STX7: variants seen among roughly 807,000 people sequenced by gnomAD.
STX7 encodes syntaxin 7.
Under a neutral mutation model 39.6 loss-of-function variants are expected in STX7, and 34 were observed. That is an observed-to-expected ratio of 0.86 (90% CI 0.65 to 1.14). The LOEUF (loss-of-function observed/expected upper bound fraction) is 1.14. Ranked by LOEUF, STX7 falls within the 50% of genes most tolerant of loss-of-function variation. The probability of loss-of-function intolerance (pLI) is 0.00; values close to 1 mark genes in which losing one functional copy is unlikely to be tolerated. For missense variants in STX7, 284 were observed against 310.4 expected, an observed-to-expected ratio of 0.92 and a Z score of 0.64; for synonymous variants, 119 against 99.1, an observed-to-expected ratio of 1.20 and a Z score of -1.19.
chr6:132,510,085 C>T (rs1775809060), intron 1 of STX7, among the ~76,000 whole-genome samples: 1 of 152,074 alleles, frequency 6.6e-6, no homozygotes, highest in Non-Finnish European at 1.5e-5. Flanking sequence ...AGAAGGATGG[C>T]GGGAAGGGGA....
chr6:132,490,660 C>T (rs9493332), intron 2 of STX7, among the ~76,000 whole-genome samples: 2,485 of 152,146 alleles, frequency 0.016, 56 homozygotes, highest in African/African-American at 0.054. Context: ...TTGCAGAGCT[C>T]CACACTGTCA....
At chr6:132,466,670 T>G (rs2114363770) in intron 8 of STX7, among the ~76,000 whole-genome samples, 1 of 152,304 alleles carries the variant, frequency 6.6e-6, no homozygotes, top group South Asian at 2.1e-4. Context: ...CACTCCTAAA[T>G]TTAGATCCCC....
In STX7 at chr6:132,513,051, C is replaced by T. The variant is rs1000154141; in HGVS notation, c.-103G>A. On this transcript the variant is annotated 5_prime_UTR_variant, in exon 1 of 10. Coordinates refer to ENST00000367941, the MANE Select transcript of STX7 (RefSeq NM_003569.3). ...TCCTACACCTCCGACCGCCGTCACC[C>T]ACCTACCCCGGAGCCCTCAGCTGCA... is the stretch of plus-strand genomic sequence containing the variant. 3.3e-5 allele frequency: 5 copies of T among 152,360 alleles called. No individual in the cohort carries two copies. The highest frequency in any genetic ancestry group is 4.8e-5 in the African/African-American group (2 of 41,484). 9.4% of individuals were successfully genotyped at this position (152,360 alleles called of 1,614,324 possible). A position where few individuals can be genotyped will look rare whatever the true frequency, so the allele number is the denominator to read the frequency against.
chr6:132,489,962 G>A (rs1044839157), intron 2 of STX7, among the ~76,000 whole-genome samples: 1 of 152,226 alleles, frequency 6.6e-6, no homozygotes, highest in Non-Finnish European at 1.5e-5. Flanking sequence ...AAAATTGTAT[G>A]TAAACAATAA....
intron 2 of STX7, among the ~76,000 whole-genome samples, chr6:132,498,106 T>C (rs554615262): frequency 6.6e-6 from 1 of 152,228 alleles, no homozygotes; most frequent in Non-Finnish European, 1.5e-5. Context: ...AAGGGCCTTG[T>C]TGACTGTTAC....
intron 1 of STX7, among the ~76,000 whole-genome samples, chr6:132,507,731 A>G (rs1348931345): frequency 2.6e-5 from 4 of 152,228 alleles, no homozygotes; most frequent in Non-Finnish European, 5.9e-5. Flanking sequence ...TGGTTCAATG[A>G]CATCTTCCTT....
rs1775426332 is a variant in STX7, at chr6:132,496,659, T to C, written c.85+6787A>G. On this transcript the variant is annotated intron_variant, in intron 2 of 9. Coordinates refer to ENST00000367941, the MANE Select transcript of STX7 (RefSeq NM_003569.3). ...TCTTAAAAAACTTTGGTTAGAATTA[T>C]TGCCTGTTAAAGTTTGAAGAGACCA... 2.0e-5 allele frequency among the ~76,000 whole-genome samples: 3 copies of C among 152,288 alleles called. No individual in the cohort carries two copies. In the South Asian group the frequency reaches 6.2e-4, roughly 32 times the overall value.
At chr6:132,506,420 C>A (rs1775707216) in intron 1 of STX7, among the ~76,000 whole-genome samples, 1 of 151,850 alleles carries the variant, frequency 6.6e-6, no homozygotes, top group Non-Finnish European at 1.5e-5. Context: ...ACAAATAACC[C>A]CATTAAAAAG....
intron 2 of STX7, among the ~76,000 whole-genome samples, chr6:132,484,525 C>T (rs114604931): frequency 1.3e-5 from 2 of 152,132 alleles, no homozygotes; most frequent in African/African-American, 4.8e-5. Context: ...CATGGCAGAT[C>T]AACCTAACAC....
chr6:132,481,058 A>G (rs1248394746), intron 2 of STX7, among the ~76,000 whole-genome samples: 2 of 152,208 alleles, frequency 1.3e-5, no homozygotes, highest in African/African-American at 4.8e-5. Context: ...GGCATTGGCT[A>G]CAGGAACTGA....
chr6:132,494,264 T>C (rs929979645), intron 2 of STX7, among the ~76,000 whole-genome samples: 1 of 152,036 alleles, frequency 6.6e-6, no homozygotes, highest in African/African-American at 2.4e-5. Flanking sequence ...AAAACCTGTA[T>C]AGTGTGATCT....
Position 132,456,633 on chromosome 6 carries a change from A to C in STX7, c.*4125T>G, listed in dbSNP as rs1774251597. On this transcript the variant is annotated 3_prime_UTR_variant, in exon 10 of 10. Coordinates refer to ENST00000367941, the MANE Select transcript of STX7 (RefSeq NM_003569.3). ...GTATTTTTTATTTTGGTTGGAAAAA[A>C]ATGACTTGCTTACCATCTAGAGCCA... 6.6e-6 allele frequency: 1 copy of C among 152,350 alleles called. No individual in the cohort carries two copies. The highest frequency in any genetic ancestry group is 2.1e-4 in the South Asian group (1 of 4,826). 9.4% of individuals were successfully genotyped at this position (152,350 alleles called of 1,614,324 possible). A position where few individuals can be genotyped will look rare whatever the true frequency, so the allele number is the denominator to read the frequency against.
intron 7 of STX7, among the ~76,000 whole-genome samples, chr6:132,469,649 C>T (rs1774659664): frequency 6.6e-6 from 1 of 152,004 alleles, no homozygotes; most frequent in Non-Finnish European, 1.5e-5. Context: ...AACAGCCTGG[C>T]CAACATGGTG....
Position 132,469,944 on chromosome 6 carries a change from G to A in STX7, c.537+7C>T, listed in dbSNP as rs78468014. The A allele has an allele frequency of 9.4e-3, 14,987 of 1,591,858 alleles. 145 individuals carry two copies. Among genetic ancestry groups the A allele is most frequent in the Middle Eastern group, 0.041 (244 of 6,020 alleles). ...GCAGCAGCCCAAGTCTACAATGTAA[G>A]CCTTACTTCAAGTTGCCTGATAGAA... On this transcript the variant is annotated splice_region_variant and intron_variant, in intron 7 of 9. Transcript: ENST00000367941.
rs1398882499 is a variant in STX7, at chr6:132,457,890, C to G, written c.*2868G>C. 2.0e-5 allele frequency: 3 copies of G among 152,146 alleles called. No homozygotes were observed. The highest frequency in any genetic ancestry group is 4.4e-5 in the Non-Finnish European group (3 of 68,012). The allele number at this position is 152,146 out of a possible 1,614,324, so 9.4% of individuals were successfully genotyped here. A position where few individuals can be genotyped will look rare whatever the true frequency, so the allele number is the denominator to read the frequency against. ...TGCTGCATAAGTTACCCTTGTGGAC[C>G]TTAGCTATTAAGGTGGACAATGACT... On this transcript the variant is annotated 3_prime_UTR_variant, in exon 10 of 10. Coordinates refer to ENST00000367941, the MANE Select transcript of STX7 (RefSeq NM_003569.3).
intron 5 of STX7, 55 bp from the exon 6 acceptor site, chr6:132,470,681 G>T: frequency 1.5e-6 from 2 of 1,302,384 alleles, no homozygotes; most frequent in African/African-American, 1.5e-5. Flanking sequence ...GCAAAAATGA[G>T]AAAAAATAAA....
Position 132,459,481 on chromosome 6 carries a change from A to G in STX7, c.*1277T>C, listed in dbSNP as rs527628884. Reference sequence around the variant, plus strand: ...ATCAGGTGACCTGTGGTCCCACCAGAGCATAGTCCTCATGAAATAGGCCTA... The same window carrying G: ...ATCAGGTGACCTGTGGTCCCACCAGGGCATAGTCCTCATGAAATAGGCCTA... On this transcript the variant is annotated 3_prime_UTR_variant, in exon 10 of 10. Transcript: ENST00000367941. The G allele has an allele frequency of 6.6e-6, 1 of 152,330 alleles. No individual in the cohort carries two copies. The highest frequency in any genetic ancestry group is 2.1e-4 in the South Asian group (1 of 4,822). The allele number at this position is 152,330 out of a possible 1,614,324, so 9.4% of individuals were successfully genotyped here. A position where few individuals can be genotyped will look rare whatever the true frequency, so the allele number is the denominator to read the frequency against.
intron 2 of STX7, among the ~76,000 whole-genome samples, chr6:132,490,075 G>A (rs1348512848): frequency 1.3e-5 from 2 of 152,198 alleles, no homozygotes; most frequent in Non-Finnish European, 2.9e-5. Flanking sequence ...CTGCTCTGAG[G>A]TAGTCTGGAA....
intron 8 of STX7, among the ~76,000 whole-genome samples, chr6:132,466,502 A>G (rs1774568516): frequency 6.6e-6 from 1 of 152,164 alleles, no homozygotes; most frequent in Admixed American, 6.5e-5. Context: ...AGCAACCATA[A>G]ACCATACATA....
Sources: gnomAD v4.1 joint callset for allele counts (sites outside exome capture counted in the v4.1 genomes callset) on GRCh38, gnomAD v4.1.1 for gene constraint, MANE v1.5 for transcripts, NCBI Gene and HGNC (gene_info 2026-07-23, HGNC 2026-07-21) for gene names.